EDA: variants seen among roughly 807,000 people sequenced by gnomAD.
EDA encodes the protein ectodysplasin A.
A neutral mutation model predicts 23.6 loss-of-function variants in EDA; 2 were observed. The observed-to-expected ratio is 0.08, with a 90% CI of 0.03 to 0.27. The LOEUF (loss-of-function observed/expected upper bound fraction) is 0.27. EDA is among the 10% of genes least tolerant of loss of function. The pLI is 1.00. For missense variants in EDA, 229 were observed against 324.2 expected, an observed-to-expected ratio of 0.71 and a Z score of 2.26; for synonymous variants, 131 against 132.0, an observed-to-expected ratio of 0.99 and a Z score of 0.05.
chrX:69,957,244 C>A, intron 2 of EDA, 112 bp downstream of exon 2: 1 of 766,478 alleles, frequency 1.3e-6, no homozygotes, highest in Non-Finnish European at 2.0e-6. Context: ...GTAATCCTAG[C>A]ACTTTGGGAG....
At chrX:69,855,074 CT>C (rs937823186) in intron 1 of EDA, among the ~76,000 whole-genome samples, 10 of 109,753 alleles carry the variant, frequency 9.1e-5, no homozygotes, top group South Asian at 7.8e-4. Flanking sequence ...TGATGCTGAG[CT>C]TTTTTTTTCA....
chrX:69,770,438 G>A (rs951822220), intron 1 of EDA, among the ~76,000 whole-genome samples: 2 of 111,924 alleles, frequency 1.8e-5, no homozygotes, highest in African/African-American at 6.5e-5. Flanking sequence ...ACAGATAGGT[G>A]TGCAGTGATA....
At chrX:69,793,117 T>G (rs1602414877) in intron 1 of EDA, among the ~76,000 whole-genome samples, 1 of 112,361 alleles carries the variant, frequency 8.9e-6, no homozygotes, top group East Asian at 2.8e-4. Context: ...ATTTAAGTCT[T>G]TTATCCATCT....
chrX:70,009,564 G>GGTTTTGTTTT lies in EDA; in HGVS notation c.503-13622_503-13613dup, dbSNP rs61286017. ...AAGGGTGGATTTGTTTGTTTGTTTG[G>GGTTTTGTTTT]GTTTTGTTTTGTTTTGTTTTGTTTT... On this transcript the variant is annotated intron_variant, in intron 2 of 7. Transcript: ENST00000374552. Among the ~76,000 whole-genome samples the GGTTTTGTTTT allele has an allele frequency of 6.4e-4, 69 of 107,551 alleles. No individual in the cohort carries two copies. In the South Asian group the frequency reaches 8.4e-3, roughly 13 times the overall value. The allele number at this position is 107,551 out of a possible 115,157, so 93.4% of individuals were successfully genotyped here. A position where few individuals can be genotyped will look rare whatever the true frequency, so the allele number is the denominator to read the frequency against.
chrX:69,972,690 T>C (rs779140737), intron 2 of EDA, among the ~76,000 whole-genome samples: 6 of 111,571 alleles, frequency 5.4e-5, no homozygotes, highest in African/African-American at 9.8e-5. Flanking sequence ...AAAATGGCAA[T>C]AACAGTAATA....
intron 1 of EDA, among the ~76,000 whole-genome samples, chrX:69,919,588 C>T (rs750158618): frequency 7.1e-4 from 79 of 111,390 alleles, no homozygotes; most frequent in African/African-American, 2.5e-3. Context: ...TTGTTAGTGC[C>T]GATAAGTCAA....
In EDA at chrX:70,027,999, T is replaced by C; in HGVS notation, c.669T>C (p.Pro223=). Residue 223 remains proline, a synonymous_variant, in exon 4 of 8, where the codon CCT becomes CCC. Transcript: ENST00000374552. Reference sequence around the variant, plus strand: ...GACCACCTGGTCCTCCAGGTCCTCCTGGTCCTCAAGGACCCCCTGGCCTCC... The same window carrying C: ...GACCACCTGGTCCTCCAGGTCCTCCCGGTCCTCAAGGACCCCCTGGCCTCC... ...VMGPPGPPGP[P]GPQGPPGLQG... is the part of the protein sequence containing the mutation. 2.5e-6 allele frequency: 3 copies of C among 1,197,616 alleles called. No individual in the cohort carries two copies. The highest frequency in any genetic ancestry group is 3.4e-6 in the Non-Finnish European group (3 of 888,693).
intron 1 of EDA, among the ~76,000 whole-genome samples, chrX:69,797,766 C>T (rs1466435942): frequency 8.9e-6 from 1 of 111,791 alleles, no homozygotes; most frequent in Non-Finnish European, 1.9e-5. Flanking sequence ...AAAGGATATA[C>T]ATAACAACCA....
intron 2 of EDA, among the ~76,000 whole-genome samples, chrX:69,969,548 A>G (rs1035718330): frequency 4.4e-5 from 5 of 112,362 alleles, no homozygotes; most frequent in Non-Finnish European, 7.5e-5. Context: ...TGAGTCATAA[A>G]GTTATTGGTT....
intron 1 of EDA, among the ~76,000 whole-genome samples, chrX:69,710,932 C>G (rs1383512503): frequency 8.9e-6 from 1 of 111,808 alleles, no homozygotes; most frequent in Non-Finnish European, 1.9e-5. Flanking sequence ...ATCATGTCAT[C>G]TGCAAACAGG....
chrX:69,828,557 G>T (rs1201561498), intron 1 of EDA, among the ~76,000 whole-genome samples: 1 of 111,943 alleles, frequency 8.9e-6, no homozygotes, highest in African/African-American at 3.2e-5. Flanking sequence ...CCTTGCTTCG[G>T]CTCGCGCACG....
chrX:69,940,701 T>C (rs2018745734), intron 1 of EDA, among the ~76,000 whole-genome samples: 1 of 111,531 alleles, frequency 9.0e-6, no homozygotes, highest in African/African-American at 3.3e-5. Flanking sequence ...AGGAGGTATT[T>C]TGATACAGGC....
chrX:69,783,225 G>T (rs2015010391), intron 1 of EDA, among the ~76,000 whole-genome samples: 1 of 111,551 alleles, frequency 9.0e-6, no homozygotes, highest in Admixed American at 9.5e-5. Context: ...TCCTAAAGAA[G>T]ATGGAAATCT....
At chrX:69,816,357 G>A (rs1296270963) in intron 1 of EDA, among the ~76,000 whole-genome samples, 6 of 111,494 alleles carry the variant, frequency 5.4e-5, no homozygotes, top group Non-Finnish European at 1.1e-4. Context: ...TGGCTGAATT[G>A]ACAGAAGTAG....
intron 1 of EDA, among the ~76,000 whole-genome samples, chrX:69,649,275 G>T (rs912035108): frequency 4.5e-5 from 5 of 112,076 alleles, no homozygotes; most frequent in Admixed American, 2.8e-4. Flanking sequence ...TCCTGAAATG[G>T]TTTCAGTGAA....
At chrX:69,641,675 A>C (rs1339755075) in intron 1 of EDA, among the ~76,000 whole-genome samples, 1 of 111,689 alleles carries the variant, frequency 9.0e-6, no homozygotes, top group Non-Finnish European at 1.9e-5. Flanking sequence ...CTTTATATGG[A>C]GGGATATTAC....
At chrX:69,683,600 A>T in intron 1 of EDA, among the ~76,000 whole-genome samples, 1 of 111,554 alleles carries the variant, frequency 9.0e-6, no homozygotes, top group Non-Finnish European at 1.9e-5. Context: ...CTTTCATCTT[A>T]GTCATTTTTA....
intron 1 of EDA, among the ~76,000 whole-genome samples, chrX:69,896,777 T>C (rs1459102538): frequency 9.0e-6 from 1 of 111,056 alleles, no homozygotes; most frequent in South Asian, 3.8e-4. Context: ...ATTTGACTTA[T>C]TCATGCCTTT....
chrX:69,644,972 T>A (rs1238175092), intron 1 of EDA, among the ~76,000 whole-genome samples: 1 of 111,775 alleles, frequency 8.9e-6, no homozygotes, highest in South Asian at 3.7e-4. Context: ...GCTGACTTGA[T>A]CATGGTGGAT....
Sources: gnomAD v4.1 joint callset for allele counts (sites outside exome capture counted in the v4.1 genomes callset) on GRCh38, gnomAD v4.1.1 for gene constraint, MANE v1.5 for transcripts, NCBI Gene and HGNC (gene_info 2026-07-23, HGNC 2026-07-21) for gene names.